The following CTNNA3 variants were observed in gnomAD, a reference collection of about 807,000 sequenced individuals.
CTNNA3 encodes the protein catenin alpha 3.
In CTNNA3, 76 loss-of-function variants were observed where a neutral mutation model predicts 95.7. The ratio of observed to expected loss-of-function variants is 0.79; its 90% CI spans 0.66 to 0.96. The LOEUF (loss-of-function observed/expected upper bound fraction) is 0.96, where lower values mean the gene tolerates loss of function less well. Among genes scored for constraint, CTNNA3 ranks in the 40% least tolerant of loss-of-function variants. The probability of loss-of-function intolerance (pLI) is 0.00; values close to 1 mark genes in which losing one functional copy is unlikely to be tolerated. For missense variants in CTNNA3, 1,191 were observed against 1,089.8 expected (o/e 1.09, Z -1.31); for synonymous variants, 431 against 374.4 (o/e 1.15, Z -1.74).
intron 7 of CTNNA3, among the ~76,000 whole-genome samples, chr10:66,887,094 A>T (rs989819051): frequency 6.6e-6 from 1 of 152,168 alleles, no homozygotes; most frequent in South Asian, 2.1e-4. Context: ...ATGTCTGTGG[A>T]GTTTCATCAC....
At chr10:66,257,651 GTTC>G (rs1358743945) in intron 13 of CTNNA3, among the ~76,000 whole-genome samples, 2 of 152,124 alleles carry the variant, frequency 1.3e-5, no homozygotes, top group African/African-American at 2.4e-5. Flanking sequence ...TTCCCAATAA[GTTC>G]TTCAGACTCC....
chr10:66,853,465 T>G (rs1843570150), intron 7 of CTNNA3, among the ~76,000 whole-genome samples: 1 of 152,128 alleles, frequency 6.6e-6, no homozygotes, highest in South Asian at 2.1e-4. Flanking sequence ...CATACTCAAC[T>G]TAAAAGTCAT....
chr10:67,297,968 T>C (rs1280120701), intron 5 of CTNNA3, among the ~76,000 whole-genome samples: 2 of 152,244 alleles, frequency 1.3e-5, no homozygotes, highest in African/African-American at 2.4e-5. Context: ...GTCTATCGCA[T>C]ACATTTCTAG....
chr10:67,229,289 AG>A (rs1177350810), intron 5 of CTNNA3, among the ~76,000 whole-genome samples: 8 of 152,224 alleles, frequency 5.3e-5, no homozygotes, highest in African/African-American at 1.9e-4. Context: ...TTAAAATATC[AG>A]GAAAATCGGC....
intron 11 of CTNNA3, among the ~76,000 whole-genome samples, chr10:66,396,472 C>T (rs1021723006): frequency 1.2e-4 from 18 of 151,896 alleles, no homozygotes; most frequent in South Asian, 8.3e-4. Context: ...ATTATATTTT[C>T]GCCTCAATTA....
chr10:66,188,966 C>G (rs2086500207), intron 13 of CTNNA3, among the ~76,000 whole-genome samples: 2 of 152,030 alleles, frequency 1.3e-5, no homozygotes, highest in South Asian at 4.1e-4. Context: ...ACTTGCATTT[C>G]CCTGATCATT....
intron 10 of CTNNA3, among the ~76,000 whole-genome samples, chr10:66,581,659 T>C (rs1015733866): frequency 2.9e-4 from 44 of 151,676 alleles, no homozygotes; most frequent in Non-Finnish European, 1.3e-4. Flanking sequence ...TTGAGTCCTA[T>C]TCATTATTTT....
chr10:66,273,030 T>C (rs2091315007), intron 13 of CTNNA3, among the ~76,000 whole-genome samples: 1 of 152,194 alleles, frequency 6.6e-6, no homozygotes, highest in African/African-American at 2.4e-5. Context: ...AGTTTCTTTT[T>C]CCTTCTTTAC....
Position 66,328,562 on chromosome 10 carries a change from G to A in CTNNA3, c.1733-47941C>T, listed in dbSNP as rs192181025. ...ACTTGTCCATAGAGAAGTCTTTCTT[G>A]ATGATCACAGGATTTCTTTCCTGAA... On this transcript the variant is annotated intron_variant, in intron 12 of 17. Transcript: ENST00000433211. 3.9e-5 allele frequency among the ~76,000 whole-genome samples: 6 copies of A among 151,910 alleles called. No homozygotes were observed. The East Asian group carries it at 1.2e-3, about 30-fold the overall frequency.
intron 5 of CTNNA3, among the ~76,000 whole-genome samples, chr10:67,471,747 T>G (rs1201087263): frequency 6.6e-6 from 1 of 152,222 alleles, no homozygotes; most frequent in Non-Finnish European, 1.5e-5. Context: ...CCATGTACAT[T>G]TTGGCCTTAA....
intron 13 of CTNNA3, among the ~76,000 whole-genome samples, chr10:66,244,216 T>G (rs1427285994): frequency 6.6e-6 from 1 of 152,172 alleles, no homozygotes; most frequent in Non-Finnish European, 1.5e-5. Context: ...GTGGTTTGAG[T>G]GCCAGCTTAG....
At chr10:65,951,501 T>C (rs1395716627) in intron 17 of CTNNA3, among the ~76,000 whole-genome samples, 3 of 152,136 alleles carry the variant, frequency 2.0e-5, no homozygotes, top group Non-Finnish European at 2.9e-5. Flanking sequence ...AATCATTAAA[T>C]CATCACTATT....
chr10:66,001,257 A>T (rs997660276), intron 15 of CTNNA3, among the ~76,000 whole-genome samples: 1 of 151,980 alleles, frequency 6.6e-6, no homozygotes, highest in African/African-American at 2.4e-5. Flanking sequence ...TCTTATTCCC[A>T]TTACCCTTCC....
chr10:66,209,632 T>A (rs994492543), intron 13 of CTNNA3, among the ~76,000 whole-genome samples: 1 of 152,084 alleles, frequency 6.6e-6, no homozygotes, highest in Admixed American at 6.6e-5. Context: ...AGTCAGAGAT[T>A]ACAAGGATCT....
At chr10:66,917,593 C>A (rs941925030) in intron 7 of CTNNA3, among the ~76,000 whole-genome samples, 5 of 152,028 alleles carry the variant, frequency 3.3e-5, no homozygotes, top group African/African-American at 1.2e-4. Context: ...AAAATAAAAC[C>A]AACCTATGGC....
chr10:67,063,275 G>A (rs1168796051), intron 7 of CTNNA3, among the ~76,000 whole-genome samples: 2 of 152,172 alleles, frequency 1.3e-5, no homozygotes, highest in Non-Finnish European at 2.9e-5. Context: ...ATTTTTAAAA[G>A]ATGTATTAGT....
chr10:66,619,598 A>G (rs1055838806), intron 10 of CTNNA3, among the ~76,000 whole-genome samples: 2 of 139,686 alleles, frequency 1.4e-5, no homozygotes, highest in Non-Finnish European at 3.1e-5. Flanking sequence ...GCATTAGGAG[A>G]TATACCTAAT....
At chr10:65,924,476 A>T (rs2077135578) in intron 17 of CTNNA3, among the ~76,000 whole-genome samples, 1 of 152,208 alleles carries the variant, frequency 6.6e-6, no homozygotes, top group Non-Finnish European at 1.5e-5. Context: ...ACCAAATGAC[A>T]TTAGTTTTAC....
intron 14 of CTNNA3, among the ~76,000 whole-genome samples, chr10:66,096,710 G>A (rs1373044324): frequency 6.6e-6 from 1 of 151,962 alleles, no homozygotes; most frequent in East Asian, 1.9e-4. Context: ...TTTTAGTAGA[G>A]ATGGTGTTTC....
Sources: gnomAD v4.1 joint callset for allele counts (sites outside exome capture counted in the v4.1 genomes callset) on GRCh38, gnomAD v4.1.1 for gene constraint, MANE v1.5 for transcripts, NCBI Gene and HGNC (gene_info 2026-07-23, HGNC 2026-07-21) for gene names.